Variants in PPARD observed in about 807,000 individuals in gnomAD.
PPARD encodes peroxisome proliferator activated receptor delta, also known as peroxisome proliferator-activated receptor delta.
PPARD carries 6 observed loss-of-function variants against 39.5 expected under a neutral mutation model. The ratio of observed to expected loss-of-function variants is 0.15; its 90% CI spans 0.08 to 0.30. The LOEUF is 0.30. PPARD is among the 10% of genes least tolerant of loss of function. PPARD has a pLI of 1.00. For synonymous variants in PPARD, 210 were observed against 231.3 expected (o/e 0.91, Z 0.83); for missense variants, 397 against 596.8 (o/e 0.67, Z 3.49).
At chr6:35,344,836 T>C (rs1792073991) in intron 1 of PPARD, among the ~76,000 whole-genome samples, 1 of 152,230 alleles carries the variant, frequency 6.6e-6, no homozygotes, top group Admixed American at 6.5e-5. Flanking sequence ...GATGGCCTGT[T>C]GTTGAGCCAG....
chr6:35,413,042 C>T (rs779081733), intron 3 of PPARD, among the ~76,000 whole-genome samples: 2 of 152,202 alleles, frequency 1.3e-5, no homozygotes, highest in Non-Finnish European at 2.9e-5. Context: ...TGCCGCCTGC[C>T]GTGGCCCACC....
chr6:35,361,024 G>A (rs556424730), intron 2 of PPARD, among the ~76,000 whole-genome samples: 2 of 152,330 alleles, frequency 1.3e-5, no homozygotes, highest in Admixed American at 6.5e-5. Context: ...GAGGGCAGGC[G>A]AGACAGAGAA....
intron 3 of PPARD, 94 bp downstream of exon 3, chr6:35,411,311 G>A (rs375154689): frequency 2.0e-5 from 26 of 1,307,164 alleles, no homozygotes; most frequent in South Asian, 1.5e-4. Flanking sequence ...CATGTGGGGC[G>A]CAGAGTAGCA....
intron 2 of PPARD, among the ~76,000 whole-genome samples, chr6:35,410,574 G>C (rs763702149): frequency 2.0e-5 from 3 of 152,212 alleles, no homozygotes; most frequent in Non-Finnish European, 4.4e-5. Context: ...GGGCCTGAGT[G>C]CTGATAGGGA....
At chr6:35,389,041 A>G (rs952081466) in intron 2 of PPARD, among the ~76,000 whole-genome samples, 9 of 151,796 alleles carry the variant, frequency 5.9e-5, no homozygotes, top group Non-Finnish European at 1.0e-4. Context: ...AGCCAGGCAC[A>G]GTGACTCACA....
rs1183428117 is a variant in PPARD at position 35,420,400 on chromosome 6, C to T, written c.285+119C>T. On this transcript the variant is annotated intron_variant, in intron 4 of 7. Transcript: ENST00000360694. ...CCTGACTGTACCTATTGCAGAATTC[C>T]TGCCCAGGAGGCAGCCAGGCCCTTG... 5.2e-6 allele frequency: 7 copies of T among 1,352,226 alleles called. No homozygotes were observed. In the African/African-American group the frequency reaches 1.1e-4, roughly 20 times the overall value. The allele number at this position is 1,352,226 out of a possible 1,614,324, so 83.8% of individuals were successfully genotyped here. A position where few individuals can be genotyped will look rare whatever the true frequency, so the allele number is the denominator to read the frequency against.
intron 2 of PPARD, among the ~76,000 whole-genome samples, chr6:35,393,149 G>A (rs1764112786): frequency 6.6e-6 from 1 of 152,208 alleles, no homozygotes; most frequent in African/African-American, 2.4e-5. Flanking sequence ...GGCCCTGTGG[G>A]GAGCTCTGGG....
Position 35,363,196 on chromosome 6 carries a change from G to C in PPARD, c.-102+16046G>C, listed in dbSNP as rs1378232080. 6.6e-6 allele frequency among the ~76,000 whole-genome samples: 1 copy of C among 152,190 alleles called. No individual in the cohort carries two copies. Among genetic ancestry groups the C allele is most frequent in the Non-Finnish European group, 1.5e-5 (1 of 68,028 alleles). On this transcript the variant is annotated intron_variant, in intron 2 of 7. Transcript: ENST00000360694. This position sits in a 1 kb window ranked among gnomAD's most constrained non-coding sequence, Gnocchi z 4.5. ...GTCTCTGGCAGTAGGCAAGGAGAAGGCCTTTCTGAGCACTGAGGGTCAGTG... is the reference window on the plus strand; with the variant it reads ...GTCTCTGGCAGTAGGCAAGGAGAAGCCCTTTCTGAGCACTGAGGGTCAGTG...
At chr6:35,407,732 T>A (rs1409871001) in intron 2 of PPARD, among the ~76,000 whole-genome samples, 1 of 150,936 alleles carries the variant, frequency 6.6e-6, no homozygotes, top group Admixed American at 6.6e-5. Flanking sequence ...CAGCTAAAAT[T>A]AGTTTCCTCT....
chr6:35,348,541 A>G, intron 2 of PPARD: 1 of 985,396 alleles, frequency 1.0e-6, no homozygotes, highest in Non-Finnish European at 1.2e-6. Context: ...GGGCCGGGGA[A>G]ACGTGGGCCT....
chr6:35,370,020 A>G (rs114090583), intron 2 of PPARD, among the ~76,000 whole-genome samples: 276 of 152,360 alleles, frequency 1.8e-3, no homozygotes, highest in African/African-American at 6.4e-3. Flanking sequence ...CAAATTCTAG[A>G]AAGTTGTACT....
At chr6:35,408,332 G>A (rs1456714746) in intron 2 of PPARD, among the ~76,000 whole-genome samples, 1 of 152,196 alleles carries the variant, frequency 6.6e-6, no homozygotes, top group Non-Finnish European at 1.5e-5. Context: ...GAAATTGAGT[G>A]TTTAGGTAGG....
chr6:35,382,898 A>G (rs1763229565), intron 2 of PPARD, among the ~76,000 whole-genome samples: 4 of 152,144 alleles, frequency 2.6e-5, no homozygotes, highest in African/African-American at 9.7e-5. Flanking sequence ...TGTTGTTGTT[A>G]TTATCATCAT....
At chr6:35,355,625 T>G (rs1278150396) in intron 2 of PPARD, among the ~76,000 whole-genome samples, 10 of 127,720 alleles carry the variant, frequency 7.8e-5, no homozygotes, top group African/African-American at 3.2e-5. Flanking sequence ...TTTTTTTTTT[T>G]TTTTGAGACG....
intron 2 of PPARD, chr6:35,349,075 G>A: frequency 6.3e-6 from 6 of 949,460 alleles, no homozygotes; most frequent in Non-Finnish European, 7.5e-6. Flanking sequence ...ACCCAGGCTG[G>A]AGTGCAGTGG....
chr6:35,349,006 A>G, intron 2 of PPARD: 3 of 975,708 alleles, frequency 3.1e-6, no homozygotes, highest in Non-Finnish European at 1.2e-6. Context: ...AGTCGCAGGT[A>G]GGAACTTCTC....
chr6:35,367,114 T>A (rs1432026221), intron 2 of PPARD, among the ~76,000 whole-genome samples: 1 of 151,990 alleles, frequency 6.6e-6, no homozygotes, highest in African/African-American at 2.4e-5. Flanking sequence ...TGGAGGAGTG[T>A]AAGAGGTTGA....
chr6:35,397,920 G>T (rs146914646), intron 2 of PPARD, among the ~76,000 whole-genome samples: 1 of 152,322 alleles, frequency 6.6e-6, no homozygotes, highest in African/African-American at 2.4e-5. Flanking sequence ...AGCTGTGGAG[G>T]TGGGTAACTG....
chr6:35,354,916 G>C (rs1009724263), intron 2 of PPARD, among the ~76,000 whole-genome samples: 13 of 152,202 alleles, frequency 8.5e-5, no homozygotes, highest in African/African-American at 2.4e-4. Context: ...CTCAGCTCCA[G>C]TGTTGACTGA....
Sources: allele counts gnomAD v4.1 joint callset (sites outside exome capture counted in the v4.1 genomes callset), GRCh38; gene constraint gnomAD v4.1.1; non-coding constraint Gnocchi (gnomAD v3.1); transcripts MANE v1.5; gene names NCBI Gene and HGNC (gene_info 2026-07-23, HGNC 2026-07-21).